Variants in ZNF780B observed in about 807,000 individuals in gnomAD.
ZNF780B encodes the protein zinc finger protein 780B.
Under a neutral mutation model 74.1 loss-of-function variants are expected in ZNF780B, and 52 were observed. The ratio of observed to expected loss-of-function variants is 0.70; its 90% CI spans 0.56 to 0.88. The LOEUF (loss-of-function observed/expected upper bound fraction) is 0.88, where lower values mean the gene tolerates loss of function less well. Among genes scored for constraint, ZNF780B ranks in the 40% least tolerant of loss-of-function variants. The pLI is 0.00. For synonymous variants in ZNF780B, 315 were observed against 324.3 expected, an observed-to-expected ratio of 0.97 and a Z score of 0.31; for missense variants, 953 against 1,007.6, an observed-to-expected ratio of 0.95 and a Z score of 0.73.
chr19:40,046,363 G>A (rs1396309670), intron 4 of ZNF780B, among the ~76,000 whole-genome samples: 1 of 152,104 alleles, frequency 6.6e-6, no homozygotes, highest in African/African-American at 2.4e-5. Flanking sequence ...AACATAACAT[G>A]TATCCCATAA....
chr19:40,043,615 CT>C (rs1351658428), intron 4 of ZNF780B, among the ~76,000 whole-genome samples: 1 of 152,242 alleles, frequency 6.6e-6, no homozygotes, highest in African/African-American at 2.4e-5. Flanking sequence ...GCAGGCGCCC[CT>C]CCTCCAGCCT....
Position 40,048,676 on chromosome 19 carries a change from A to T in ZNF780B, c.130T>A (p.Ser44Thr). The change falls in exon 3 of 5, where the codon TCA (serine) becomes ACA (threonine). Residue 44 changes from serine (S) to threonine (T), a missense_variant. Physicochemically the swap from Ser to Thr is moderately conservative, Grantham distance 58. Transcript: ENST00000434248. ...CTGGGACCAATGACCTTACCCAGTG[A>T]TATCAGGTGGCTGTAGTTCTCCAAC... ...VMLENYSHLI[S>T]LGSSISKPDV... 6.2e-7 allele frequency: 1 copy of T among 1,614,248 alleles called. No homozygotes were observed. Among genetic ancestry groups the T allele is most frequent in the Non-Finnish European group, 8.5e-7 (1 of 1,180,042 alleles).
rs780650991 is a variant in ZNF780B at position 40,036,307 on chromosome 19, C to G, written c.552G>C (p.Gln184His). Residue 184 changes from glutamine to histidine, a missense_variant, in exon 5 of 5, where the codon CAG becomes CAC. Coordinates refer to ENST00000434248, the MANE Select transcript of ZNF780B (RefSeq NM_001005851.3). ...AGGGTTTCTCTCCAGTATGAATACT[C>G]TGATGCTGAATAAGATTTGAACCAC... ...FSCGSNLIQH[Q>H]SIHTGEKPYK... 2.3e-5 allele frequency: 37 copies of G among 1,613,666 alleles called. No individual in the cohort carries two copies. The highest frequency in any genetic ancestry group is 2.9e-5 in the Non-Finnish European group (34 of 1,179,958).
At chr19:40,048,840 T>C in intron 2 of ZNF780B, 44 bp from the exon 3 acceptor site, 1 of 1,610,642 alleles carries the variant, frequency 6.2e-7, no homozygotes, top group Non-Finnish European at 8.5e-7. Context: ...TGAAGAAAGT[T>C]GTTTCAAGAC....
chr19:40,053,001 G>A (rs949140198), intron 1 of ZNF780B, among the ~76,000 whole-genome samples: 35 of 152,146 alleles, frequency 2.3e-4, no homozygotes, highest in Non-Finnish European at 4.4e-4. Flanking sequence ...AAAAACGTAC[G>A]GGGAAAGCTT....
chr19:40,047,318 C>T (rs972919559), intron 4 of ZNF780B, 57 bp downstream of exon 4: 76 of 1,448,946 alleles, frequency 5.2e-5, no homozygotes, highest in South Asian at 8.0e-5. Flanking sequence ...CCTCTCTGAG[C>T]ACATGGGCTG....
rs1007945064 is a variant in ZNF780B, at chr19:40,028,987, T to C, written c.*5370A>G. On this transcript the variant is annotated 3_prime_UTR_variant, in exon 5 of 5. Coordinates refer to ENST00000434248, the MANE Select transcript of ZNF780B (RefSeq NM_001005851.3). ...CTAGATAGTCACAGCCAACTATCAA[T>C]AAAAATTACTGGTTCTATAATCATG... The C allele has an allele frequency of 2.0e-5, 3 of 152,176 alleles. No individual in the cohort carries two copies. Among genetic ancestry groups the C allele is most frequent in the African/African-American group, 7.2e-5 (3 of 41,432 alleles). 9.4% of individuals were successfully genotyped at this position (152,176 alleles called of 1,614,324 possible). A position where few individuals can be genotyped will look rare whatever the true frequency, so the allele number is the denominator to read the frequency against.
rs373373493 is a variant in ZNF780B at position 40,034,701 on chromosome 19, T to C, written c.2158A>G (p.Thr720Ala). 3.3e-5 allele frequency: 53 copies of C among 1,614,002 alleles called. No individual in the cohort carries two copies. Among genetic ancestry groups the C allele is most frequent in the African/African-American group, 6.7e-5 (5 of 74,908 alleles). Residue 720 changes from threonine to alanine, a missense_variant, in exon 5 of 5, where the codon ACT (threonine) becomes GCT (alanine). Physicochemically the swap from Thr to Ala is moderately conservative, Grantham distance 58 (BLOSUM62 0). Coordinates refer to ENST00000434248, the MANE Select transcript of ZNF780B (RefSeq NM_001005851.3). ...TTACATTCAAAGGGTTTCTCACCAG[T>C]ATGAATTCGGTAATGTTCAGTAAGC... ...YQLTEHYRIH[T>A]GEKPFECKEC... is the part of the protein sequence containing the mutation.
chr19:40,038,877 T>A (rs1972491045), intron 4 of ZNF780B, among the ~76,000 whole-genome samples: 2 of 150,436 alleles, frequency 1.3e-5, no homozygotes, highest in Admixed American at 1.3e-4. Flanking sequence ...TTCACTCTGA[T>A]GGTAGTTTCT....
intron 1 of ZNF780B, among the ~76,000 whole-genome samples, chr19:40,054,865 C>T (rs1973412990): frequency 6.6e-6 from 1 of 152,246 alleles, no homozygotes; most frequent in African/African-American, 2.4e-5. Flanking sequence ...ACAGTTCACA[C>T]AAATAGCCCA....
intron 1 of ZNF780B, among the ~76,000 whole-genome samples, chr19:40,051,835 T>G (rs1973245912): frequency 6.6e-6 from 1 of 152,200 alleles, no homozygotes; most frequent in East Asian, 1.9e-4. Context: ...TCACCATGCT[T>G]GGTTCCCTTC....
chr19:40,032,258 G>A lies in ZNF780B; in HGVS notation c.*2099C>T. ...AGAAATAATAAAAAACAGAGGCCCA[G>A]GCTTATAAACTAGGGCTACACTTCT... is the stretch of plus-strand genomic sequence containing the variant. On this transcript the variant is annotated 3_prime_UTR_variant, in exon 5 of 5. Coordinates refer to ENST00000434248, the MANE Select transcript of ZNF780B (RefSeq NM_001005851.3). The A allele has an allele frequency of 2.8e-6, 1 of 361,006 alleles. No individual in the cohort carries two copies. Among genetic ancestry groups the A allele is most frequent in the Non-Finnish European group, 5.4e-6 (1 of 184,672 alleles). 22.4% of individuals were successfully genotyped at this position (361,006 alleles called of 1,614,324 possible). A position where few individuals can be genotyped will look rare whatever the true frequency, so the allele number is the denominator to read the frequency against.
chr19:40,037,215 T>G (rs1431666970), intron 4 of ZNF780B, among the ~76,000 whole-genome samples: 1 of 146,794 alleles, frequency 6.8e-6, no homozygotes, highest in East Asian at 2.0e-4. Flanking sequence ...GTGCCTGGCC[T>G]CTATTTTTTT....
Position 40,032,049 on chromosome 19 carries a change from C to G in ZNF780B, c.*2308G>C. ...AGACCTAAGAAAGCCTCTGGACTTACTTTCCCTTGTAAAGAAAATACAACC... is the reference window on the plus strand; with the variant it reads ...AGACCTAAGAAAGCCTCTGGACTTAGTTTCCCTTGTAAAGAAAATACAACC... On this transcript the variant is annotated 3_prime_UTR_variant, in exon 5 of 5. Coordinates refer to ENST00000434248, the MANE Select transcript of ZNF780B (RefSeq NM_001005851.3). 1 of 456,312 alleles carries G rather than the reference C, an allele frequency of 2.2e-6. No individual in the cohort carries two copies. The highest frequency in any genetic ancestry group is 1.5e-5 in the South Asian group (1 of 64,554). The allele number at this position is 456,312 out of a possible 1,614,324, so 28.3% of individuals were successfully genotyped here.
In ZNF780B at chr19:40,028,421, A is replaced by G. The variant is rs925080174; in HGVS notation, c.*5936T>C. 1 of 151,920 alleles carries G rather than the reference A, an allele frequency of 6.6e-6. No homozygotes were observed. The highest frequency in any genetic ancestry group is 6.6e-5 in the Admixed American group (1 of 15,216). The allele number at this position is 151,920 out of a possible 1,614,324, so 9.4% of individuals were successfully genotyped here. On this transcript the variant is annotated 3_prime_UTR_variant, in exon 5 of 5. Coordinates refer to ENST00000434248, the MANE Select transcript of ZNF780B (RefSeq NM_001005851.3). ...GTGGCAGAAATACATATTCTTGAAGAAAAAAAATGTCTCCCTTATGGGTAC... is the reference window on the plus strand; with the variant it reads ...GTGGCAGAAATACATATTCTTGAAGGAAAAAAATGTCTCCCTTATGGGTAC...
At position 40,032,383 on chromosome 19, in the gene ZNF780B, C is replaced by T; in HGVS notation, c.*1974G>A. On this transcript the variant is annotated 3_prime_UTR_variant, in exon 5 of 5. Coordinates refer to ENST00000434248, the MANE Select transcript of ZNF780B (RefSeq NM_001005851.3). Reference sequence around the variant, plus strand: ...GCTACAATACACTAAAGAGAGATAACCAAATGCAATGCAGAATCTGCAATG... The same window carrying T: ...GCTACAATACACTAAAGAGAGATAATCAAATGCAATGCAGAATCTGCAATG... 2 of 393,864 alleles carry T rather than the reference C, an allele frequency of 5.1e-6. 1 individual carries two copies. The highest frequency in any genetic ancestry group is 9.9e-6 in the Non-Finnish European group (2 of 201,680). 24.4% of individuals were successfully genotyped at this position (393,864 alleles called of 1,614,324 possible). A position where few individuals can be genotyped will look rare whatever the true frequency, so the allele number is the denominator to read the frequency against.
intron 4 of ZNF780B, among the ~76,000 whole-genome samples, chr19:40,038,230 C>A (rs1599770004): frequency 6.6e-6 from 1 of 152,004 alleles, no homozygotes. Flanking sequence ...CATGTCCCTA[C>A]AAAGGACATG....
At position 40,031,231 on chromosome 19, in the gene ZNF780B, G is replaced by T. The variant is rs543010031; in HGVS notation, c.*3126C>A. On this transcript the variant is annotated 3_prime_UTR_variant, in exon 5 of 5. Transcript: ENST00000434248. ...ACATCGGTATCATGTTTTGTTTTGG[G>T]GTTTTTTTGAGATGAAGTCTCACTT... The T allele has an allele frequency of 3.3e-5, 5 of 152,080 alleles. No individual in the cohort carries two copies. Among genetic ancestry groups the T allele is most frequent in the Non-Finnish European group, 7.4e-5 (5 of 68,004 alleles). 9.4% of individuals were successfully genotyped at this position (152,080 alleles called of 1,614,324 possible). A position where few individuals can be genotyped will look rare whatever the true frequency, so the allele number is the denominator to read the frequency against.
Position 40,035,517 on chromosome 19 carries a change from T to C in ZNF780B, c.1342A>G (p.Arg448Gly), listed in dbSNP as rs1275491338. 3 of 1,614,038 alleles carry C rather than the reference T, an allele frequency of 1.9e-6. No homozygotes were observed. Among genetic ancestry groups the C allele is most frequent in the Non-Finnish European group, 2.5e-6 (3 of 1,180,012 alleles). Reference sequence around the variant, plus strand: ...TATCGAAAGGCCATCTCACATTCCCTACATACAAAGGGTTTCTCATTGGAA... The same window carrying C: ...TATCGAAAGGCCATCTCACATTCCCCACATACAAAGGGTTTCTCATTGGAA... Reference protein sequence around the residue: ...IHSNEKPFVCRECEMAFRYHY... With the variant: ...IHSNEKPFVCGECEMAFRYHY... Residue 448 changes from arginine to glycine, a missense_variant, in exon 5 of 5, where the codon AGG (arginine) becomes GGG (glycine). Coordinates refer to ENST00000434248, the MANE Select transcript of ZNF780B (RefSeq NM_001005851.3).
Sources: gnomAD v4.1 joint callset for allele counts (sites outside exome capture counted in the v4.1 genomes callset) on GRCh38, gnomAD v4.1.1 for gene constraint, MANE v1.5 for transcripts, NCBI Gene and HGNC (gene_info 2026-07-23, HGNC 2026-07-21) for gene names.